TRIM24: variants seen among roughly 807,000 people sequenced by gnomAD.
TRIM24 encodes the protein tripartite motif containing 24.
TRIM24 carries 29 observed loss-of-function variants against 123.9 expected under a neutral mutation model. The ratio of observed to expected loss-of-function variants is 0.23; its 90% CI spans 0.17 to 0.32. The LOEUF (loss-of-function observed/expected upper bound fraction) is 0.32, where lower values mean the gene tolerates loss of function less well. TRIM24 is among the 10% of genes least tolerant of loss of function. The pLI is 1.00. For synonymous variants in TRIM24, 456 were observed against 461.1 expected (o/e 0.99, Z 0.14); for missense variants, 932 against 1,295.3 (o/e 0.72, Z 4.31).
rs1478993393 is a variant in TRIM24, at chr7:138,577,502, CAAG to C, written c.2173_2175del (p.Glu725del). 1 of 1,610,918 alleles carries C rather than the reference CAAG, an allele frequency of 6.2e-7. No individual in the cohort carries two copies. Among genetic ancestry groups the C allele is most frequent in the Non-Finnish European group, 8.5e-7 (1 of 1,178,814 alleles). ...CATGCTGGAGCCAATTCGAATAAAA[CAAG>C]AAAACAGTGGACCACCGGAAAATTA... On this transcript the variant is annotated inframe_deletion, in exon 14 of 19. Coordinates refer to ENST00000343526, the MANE Select transcript of TRIM24 (RefSeq NM_015905.3).
At chr7:138,496,922 C>G (rs750208064) in intron 1 of TRIM24, among the ~76,000 whole-genome samples, 1 of 152,110 alleles carries the variant, frequency 6.6e-6, no homozygotes, top group Non-Finnish European at 1.5e-5. Flanking sequence ...CAGGAATAAA[C>G]CCTGCTTAAT....
intron 1 of TRIM24, among the ~76,000 whole-genome samples, chr7:138,474,846 G>A (rs368989345): frequency 6.6e-6 from 1 of 152,070 alleles, no homozygotes; most frequent in East Asian, 1.9e-4. Flanking sequence ...CTGTATTAAA[G>A]CCAAGAGATC....
At chr7:138,508,064 G>T (rs1584707273) in intron 2 of TRIM24, among the ~76,000 whole-genome samples, 2 of 151,946 alleles carry the variant, frequency 1.3e-5, no homozygotes, top group East Asian at 3.8e-4. Context: ...ATCCAACAAG[G>T]CCTACACAGT....
intron 2 of TRIM24, among the ~76,000 whole-genome samples, chr7:138,508,695 G>A (rs1193846340): frequency 8.6e-6 from 1 of 116,956 alleles, no homozygotes; most frequent in East Asian, 2.3e-4. Flanking sequence ...GTGTGTGTGC[G>A]CGCGCGTGTG....
chr7:138,532,918 G>A lies in TRIM24; in HGVS notation c.996+3688G>A, dbSNP rs532460486. On this transcript the variant is annotated intron_variant, in intron 6 of 18. Transcript: ENST00000343526. The stretch of plus-strand genomic sequence containing the variant: ...CAGTGGTTTGTAGTTCTCCATGAAG[G>A]GGTCCTTCACATCCCTTGTAAGTGG... Among the ~76,000 whole-genome samples the A allele has an allele frequency of 4.9e-4, 74 of 152,152 alleles. 1 individual carries two copies. In the East Asian group the frequency reaches 0.012, roughly 24 times the overall value.
intron 7 of TRIM24, among the ~76,000 whole-genome samples, chr7:138,547,507 A>G (rs1449102841): frequency 1.3e-5 from 2 of 152,212 alleles, no homozygotes; most frequent in African/African-American, 4.8e-5. Context: ...TTCAATTTTT[A>G]TTGGTCAATT....
At position 138,514,947 on chromosome 7, in the gene TRIM24, C is replaced by T. The variant is rs566349481; in HGVS notation, c.484-265C>T. On this transcript the variant is annotated intron_variant, in intron 2 of 18. Transcript: ENST00000343526. ...TTTTCCTGACTGTTCTGTTCTCACA[C>T]CTAGCATAATGTTTGGGAAATACCT... is the stretch of plus-strand genomic sequence containing the variant. 8.3e-5 allele frequency: 26 copies of T among 311,974 alleles called. No individual in the cohort carries two copies. In the South Asian group the frequency reaches 2.0e-3, roughly 25 times the overall value. 19.3% of individuals were successfully genotyped at this position (311,974 alleles called of 1,614,324 possible).
At chr7:138,473,473 G>A (rs2116461201) in intron 1 of TRIM24, among the ~76,000 whole-genome samples, 1 of 152,212 alleles carries the variant, frequency 6.6e-6, no homozygotes. Flanking sequence ...ACTTGTTTAA[G>A]GTGGTGACTG....
intron 10 of TRIM24, among the ~76,000 whole-genome samples, chr7:138,568,379 C>CTTTTTT (rs60386130): frequency 0.036 from 2,486 of 68,632 alleles, 233 homozygotes; most frequent in Non-Finnish European, 0.044. Flanking sequence ...ACCTGGCCTC[C>CTTTTTT]TTTTTTTTTT....
intron 8 of TRIM24, among the ~76,000 whole-genome samples, chr7:138,551,909 T>C (rs1273783422): frequency 6.6e-6 from 1 of 152,236 alleles, no homozygotes; most frequent in Admixed American, 6.5e-5. Flanking sequence ...GTAATAGTTA[T>C]ATAGATATCT....
At position 138,588,325 on chromosome 7, in the gene TRIM24, T is replaced by A. The variant is rs1563072006; in HGVS notation, c.*3374T>A. 1 of 152,226 alleles carries A rather than the reference T, an allele frequency of 6.6e-6. No individual in the cohort carries two copies. The highest frequency in any genetic ancestry group is 1.5e-5 in the Non-Finnish European group (1 of 68,038). The allele number at this position is 152,226 out of a possible 1,614,324, so 9.4% of individuals were successfully genotyped here. ...ATTGCTGCATATGAACAACAGGTTT[T>A]AGGTTTAAATTGAAGATACATTCAT... On this transcript the variant is annotated 3_prime_UTR_variant, in exon 19 of 19. Transcript: ENST00000343526.
intron 7 of TRIM24, among the ~76,000 whole-genome samples, chr7:138,548,205 G>C (rs1797139168): frequency 6.6e-6 from 1 of 152,188 alleles, no homozygotes; most frequent in South Asian, 2.1e-4. Context: ...AACCTAGATG[G>C]TTTACTCTTT....
chr7:138,580,510 G>C, intron 15 of TRIM24, 52 bp from the exon 16 acceptor site: 1 of 1,573,492 alleles, frequency 6.4e-7, no homozygotes, highest in Non-Finnish European at 8.6e-7. Context: ...GGGAAATAGT[G>C]AAGAGAGGAA....
At chr7:138,583,723 A>C in intron 17 of TRIM24, 127 bp from the exon 18 acceptor site, 3 of 694,880 alleles carry the variant, frequency 4.3e-6, no homozygotes, top group African/African-American at 1.9e-5. Context: ...GGGTTTCTTT[A>C]CTAATGGCAA....
chr7:138,509,382 A>C (rs1040935053), intron 2 of TRIM24, among the ~76,000 whole-genome samples: 3 of 149,410 alleles, frequency 2.0e-5, no homozygotes, highest in Non-Finnish European at 4.4e-5. Context: ...GTCTTGGTGC[A>C]ATTAGGAATC....
chr7:138,488,292 A>G (rs564774753), intron 1 of TRIM24, among the ~76,000 whole-genome samples: 1 of 151,912 alleles, frequency 6.6e-6, no homozygotes, highest in Admixed American at 6.5e-5. Context: ...TTCAAAAAAA[A>G]AACAGCTCCT....
At position 138,463,043 on chromosome 7, in the gene TRIM24, G is replaced by GTTTTTTTT. The variant is rs57719141; in HGVS notation, c.364+2150_364+2157dup. ...CGCCACCACGTCCGGCTAATTTTGT[G>GTTTTTTTT]TTTTTTTTTTTTTTTTTTTTTTTTT... On this transcript the variant is annotated intron_variant, in intron 1 of 18. Coordinates refer to ENST00000343526, the MANE Select transcript of TRIM24 (RefSeq NM_015905.3). Among the ~76,000 whole-genome samples the GTTTTTTTT allele has an allele frequency of 2.5e-4, 15 of 60,136 alleles. 3 individuals are homozygous for GTTTTTTTT. Among genetic ancestry groups the GTTTTTTTT allele is most frequent in the African/African-American group, 7.3e-4 (10 of 13,676 alleles). 39.5% of individuals were successfully genotyped at this position (60,136 alleles called of 152,430 possible).
chr7:138,491,971 T>C (rs1795796389), intron 1 of TRIM24, among the ~76,000 whole-genome samples: 1 of 151,770 alleles, frequency 6.6e-6, no homozygotes, highest in Non-Finnish European at 1.5e-5. Context: ...TGATCTTCTT[T>C]GGAGAAATGT....
chr7:138,531,347 C>T (rs987341360), intron 6 of TRIM24, among the ~76,000 whole-genome samples: 1 of 147,442 alleles, frequency 6.8e-6, no homozygotes, highest in East Asian at 1.9e-4. Flanking sequence ...AGGTATATCT[C>T]CCAATGCTAT....
Sources: allele counts gnomAD v4.1 joint callset (sites outside exome capture counted in the v4.1 genomes callset), GRCh38; gene constraint gnomAD v4.1.1; transcripts MANE v1.5; gene names NCBI Gene and HGNC (gene_info 2026-07-23, HGNC 2026-07-21).